LARGE1: variants seen among roughly 807,000 people sequenced by gnomAD.
LARGE1 encodes the protein xylosyl- and glucuronyltransferase LARGE1.
In LARGE1, 43 loss-of-function variants were observed where a neutral mutation model predicts 87.6. The observed-to-expected ratio is 0.49, with a 90% confidence interval of 0.38 to 0.63. LARGE1 has a LOEUF of 0.63. Ranked by LOEUF, LARGE1 falls within the 30% of genes least tolerant of loss-of-function variation. The pLI is 0.00. For missense variants in LARGE1, 802 were observed against 1,000.2 expected, an observed-to-expected ratio of 0.80 and a Z score of 2.67; for synonymous variants, 434 against 394.6, an observed-to-expected ratio of 1.10 and a Z score of -1.18.
At chr22:33,714,613 T>C (rs997830026) in intron 2 of LARGE1, among the ~76,000 whole-genome samples, 1 of 152,126 alleles carries the variant, frequency 6.6e-6, no homozygotes, top group Non-Finnish European at 1.5e-5. Context: ...ACAAAAGAAA[T>C]TGGCAGGATA....
At chr22:33,755,066 AC>A (rs1185236863) in intron 2 of LARGE1, among the ~76,000 whole-genome samples, 1 of 152,334 alleles carries the variant, frequency 6.6e-6, no homozygotes, top group East Asian at 1.9e-4. Flanking sequence ...GCTTTAACTT[AC>A]AATTCTTTCA....
chr22:33,169,554 T>C (rs1360595128), intron 11 of LARGE1, among the ~76,000 whole-genome samples: 12 of 152,030 alleles, frequency 7.9e-5, no homozygotes, highest in Admixed American at 2.0e-4. Flanking sequence ...CCCAGAGTCA[T>C]AAAAATGTCC....
intron 12 of LARGE1, among the ~76,000 whole-genome samples, chr22:33,290,900 G>A (rs1311311748): frequency 2.0e-5 from 3 of 152,152 alleles, no homozygotes; most frequent in Non-Finnish European, 4.4e-5. Context: ...TTAGCTGGGT[G>A]TGGTGGTGCG....
chr22:33,253,020 G>T lies in LARGE1; in HGVS notation c.1730+51209C>A, dbSNP rs368624272. On this transcript the variant is annotated intron_variant, in intron 11 of 11. Transcript: ENST00000608642. ...TCTGGGCTGGCCATTAGAATGGGGA[G>T]ATTATGAGCTCAGAAGGTGTGACGT... Among the ~76,000 whole-genome samples the T allele has an allele frequency of 9.2e-5, 14 of 152,298 alleles. No homozygotes were observed. The South Asian group carries it at 1.9e-3, about 20-fold the overall frequency.
chr22:33,911,271 T>G (rs1176702741), intron 1 of LARGE1, among the ~76,000 whole-genome samples: 2 of 152,164 alleles, frequency 1.3e-5, no homozygotes, highest in African/African-American at 2.4e-5. Context: ...TTTCTACGGA[T>G]GTAAAATGAA....
intron 9 of LARGE1, among the ~76,000 whole-genome samples, chr22:33,368,103 G>A (rs1601604377): frequency 1.3e-5 from 2 of 152,114 alleles, no homozygotes; most frequent in Non-Finnish European, 1.5e-5. Context: ...TTCCATATGA[G>A]CCTAAGAAGG....
At chr22:33,250,564 A>G (rs1926967607) in intron 11 of LARGE1, among the ~76,000 whole-genome samples, 1 of 152,242 alleles carries the variant, frequency 6.6e-6, no homozygotes. Flanking sequence ...GCTGAAAAGT[A>G]GTACAGGAGA....
intron 2 of LARGE1, among the ~76,000 whole-genome samples, chr22:33,751,182 GTTAAAA>G (rs2084301994): frequency 2.0e-5 from 3 of 152,128 alleles, no homozygotes; most frequent in African/African-American, 7.2e-5. Context: ...CATCACACAG[GTTAAAA>G]TTAAAATTAA....
chr22:33,742,012 G>A (rs531098170), intron 2 of LARGE1, among the ~76,000 whole-genome samples: 1 of 152,332 alleles, frequency 6.6e-6, no homozygotes, highest in Admixed American at 6.5e-5. Flanking sequence ...TGTTTCTGCA[G>A]TTCATTTAAC....
chr22:33,786,361 T>C (rs568093239), intron 1 of LARGE1, among the ~76,000 whole-genome samples: 1 of 152,346 alleles, frequency 6.6e-6, no homozygotes, highest in South Asian at 2.1e-4. Flanking sequence ...TGAGATTCAA[T>C]ATTGCTACTC....
chr22:33,842,313 AT>A (rs950650018), intron 1 of LARGE1, among the ~76,000 whole-genome samples: 3 of 152,220 alleles, frequency 2.0e-5, no homozygotes, highest in African/African-American at 7.2e-5. Flanking sequence ...GCAGTAGGGC[AT>A]TTTTTAATAA....
At chr22:33,784,849 G>A (rs1239167790) in intron 1 of LARGE1, among the ~76,000 whole-genome samples, 1 of 150,524 alleles carries the variant, frequency 6.6e-6, no homozygotes, top group Non-Finnish European at 1.5e-5. Context: ...TACACACATA[G>A]ACAGTTTATA....
In LARGE1 at chr22:33,316,658, G is replaced by T. The variant is rs543237484; in HGVS notation, c.1288-410C>A. 4.3e-3 allele frequency among the ~76,000 whole-genome samples: 654 copies of T among 152,084 alleles called. 6 individuals are homozygous for T. The highest frequency in any genetic ancestry group is 0.015 in the African/African-American group (628 of 41,464). On this transcript the variant is annotated intron_variant, in intron 10 of 14. Coordinates refer to ENST00000397394, the MANE Select transcript of LARGE1 (RefSeq NM_133642.5). ...AGGCTGAGGTGGGAGAATCACCTGA[G>T]CCCGGGACATGGAGGCTGCAGTGAG...
intron 1 of LARGE1, among the ~76,000 whole-genome samples, chr22:33,788,259 T>C (rs965413962): frequency 1.3e-5 from 2 of 152,240 alleles, no homozygotes; most frequent in Non-Finnish European, 1.5e-5. Flanking sequence ...CTGCACAAGC[T>C]TTCTTGCCTG....
chr22:33,768,429 C>T (rs1255209271), intron 1 of LARGE1, among the ~76,000 whole-genome samples: 2 of 106,956 alleles, frequency 1.9e-5, no homozygotes, highest in Non-Finnish European at 3.6e-5. Flanking sequence ...CAATCCAACG[C>T]GCGCGCTCAC....
chr22:33,879,923 T>C (rs544339273), intron 1 of LARGE1, among the ~76,000 whole-genome samples: 1 of 152,344 alleles, frequency 6.6e-6, no homozygotes, highest in African/African-American at 2.4e-5. Flanking sequence ...CCAGCTCATC[T>C]TGACACCCTG....
chr22:33,508,509 T>G (rs1220310326), intron 6 of LARGE1, among the ~76,000 whole-genome samples: 2 of 152,196 alleles, frequency 1.3e-5, no homozygotes, highest in Non-Finnish European at 2.9e-5. Context: ...ATGTGAAAAT[T>G]CTCTTTCCTT....
At chr22:33,649,114 C>A (rs546136432) in intron 3 of LARGE1, among the ~76,000 whole-genome samples, 1 of 152,300 alleles carries the variant, frequency 6.6e-6, no homozygotes, top group East Asian at 1.9e-4. Flanking sequence ...CATCCTCTGT[C>A]GGATGCTCTC....
intron 7 of LARGE1, among the ~76,000 whole-genome samples, chr22:33,421,380 G>A (rs1375174105): frequency 6.6e-6 from 1 of 152,098 alleles, no homozygotes; most frequent in East Asian, 1.9e-4. Flanking sequence ...AAATGAAAAA[G>A]TTGTTCATTC....
Sources: allele counts gnomAD v4.1 joint callset (sites outside exome capture counted in the v4.1 genomes callset), GRCh38; gene constraint gnomAD v4.1.1; transcripts MANE v1.5; gene names NCBI Gene and HGNC (gene_info 2026-07-23, HGNC 2026-07-21).